FAM228B: variants seen among roughly 807,000 people sequenced by gnomAD.
FAM228B encodes the protein protein FAM228B.
In FAM228B, 38 loss-of-function variants were observed where a neutral mutation model predicts 42.6. The ratio of observed to expected loss-of-function variants is 0.89; its 90% CI spans 0.69 to 1.17. The LOEUF is 1.17. Among genes scored for constraint, FAM228B ranks in the 50% most tolerant of loss-of-function variants. The probability of loss-of-function intolerance (pLI) is 0.00; values close to 1 mark genes in which losing one functional copy is unlikely to be tolerated. For missense variants in FAM228B, 344 were observed against 367.3 expected (o/e 0.94, Z 0.52); for synonymous variants, 109 against 122.3 (o/e 0.89, Z 0.72).
intron 1 of FAM228B, among the ~76,000 whole-genome samples, chr2:24,078,184 C>A (rs953456977): frequency 6.6e-6 from 1 of 152,088 alleles, no homozygotes; most frequent in African/African-American, 2.4e-5. Flanking sequence ...TAGTTTTACA[C>A]CCCCCACCCC....
At chr2:24,156,411 T>A (rs6719511) in intron 7 of FAM228B, among the ~76,000 whole-genome samples, 71 of 152,270 alleles carry the variant, frequency 4.7e-4, no homozygotes, top group African/African-American at 1.6e-3. Flanking sequence ...AGCAGGTAGA[T>A]CACCGGAGGT....
At chr2:24,086,457 G>A (rs938165501) in intron 2 of FAM228B, among the ~76,000 whole-genome samples, 2 of 151,868 alleles carry the variant, frequency 1.3e-5, no homozygotes, top group African/African-American at 2.4e-5. Context: ...ACTCACAATT[G>A]GTTAAAAAAA....
At chr2:24,087,442 A>G (rs554284938) in intron 2 of FAM228B, 357 of 152,238 alleles carry the variant, frequency 2.3e-3, no homozygotes, top group African/African-American at 8.4e-3. Flanking sequence ...GGAATTTCGT[A>G]TGTGATAGAA....
upstream of FAM228B, among the ~76,000 whole-genome samples, chr2:24,118,590 GT>G (rs1262292520): frequency 2.0e-5 from 3 of 152,166 alleles, no homozygotes; most frequent in Non-Finnish European, 4.4e-5. Flanking sequence ...AATCATAAAG[GT>G]ATGCATAAAA....
At position 24,077,853 on chromosome 2, in the gene FAM228B, A is replaced by C; in HGVS notation, c.-290+884A>C. The C allele has an allele frequency of 1.4e-6, 2 of 1,426,958 alleles. No homozygotes were observed. The highest frequency in any genetic ancestry group is 1.9e-6 in the Non-Finnish European group (2 of 1,052,206). 88.4% of individuals were successfully genotyped at this position (1,426,958 alleles called of 1,614,324 possible). A position where few individuals can be genotyped will look rare whatever the true frequency, so the allele number is the denominator to read the frequency against. ...CAGCCTTCTTGCTCTCTCTGAAGCC[A>C]CGTATCTGAAAAAGCACACAGGGAC... On this transcript the variant is annotated intron_variant, in intron 1 of 10. Transcript: ENST00000613899. The surrounding 1 kb of genome is among the most constrained non-coding windows in gnomAD (Gnocchi z 5.5).
intron 7 of FAM228B, among the ~76,000 whole-genome samples, chr2:24,148,564 T>G (rs559656277): frequency 6.6e-6 from 1 of 151,486 alleles, no homozygotes; most frequent in Admixed American, 6.6e-5. Flanking sequence ...TCTTGATACC[T>G]TTTTTTTTAA....
At position 24,080,974 on chromosome 2, in the gene FAM228B, GT is replaced by G; in HGVS notation, c.-210+20del. Reference sequence around the variant, plus strand: ...CATCCGGGTGAGTTGGATAGCAGCTGTGCCCACACCACTCAGTCCTGCATGG... The same window carrying G: ...CATCCGGGTGAGTTGGATAGCAGCTGGCCCACACCACTCAGTCCTGCATGG... On this transcript the variant is annotated intron_variant, in intron 2 of 10. Coordinates refer to the FAM228B transcript ENST00000613899. The surrounding 1 kb of genome is among the most constrained non-coding windows in gnomAD (Gnocchi z 4.7). The G allele has an allele frequency of 6.2e-7, 1 of 1,614,184 alleles. No homozygotes were observed. Among genetic ancestry groups the G allele is most frequent in the African/African-American group, 1.3e-5 (1 of 75,042 alleles).
intron 7 of FAM228B, 51 bp downstream of exon 7, chr2:24,147,137 C>A (rs1163155641): frequency 2.4e-6 from 3 of 1,254,410 alleles, no homozygotes; most frequent in African/African-American, 3.0e-5. Context: ...TTTGAAAATT[C>A]TTCAGACTGA....
chr2:24,101,905 A>G (rs1033379685), intron 3 of FAM228B, among the ~76,000 whole-genome samples: 2 of 151,870 alleles, frequency 1.3e-5, no homozygotes, highest in Non-Finnish European at 2.9e-5. Context: ...GATGGTCTCT[A>G]TTTCTTGACT....
At chr2:24,131,866 G>T (rs1424507097) in intron 2 of FAM228B, among the ~76,000 whole-genome samples, 1 of 152,160 alleles carries the variant, frequency 6.6e-6, no homozygotes, top group East Asian at 1.9e-4. Context: ...CCAGTAATAT[G>T]TTGAATAGGA....
chr2:24,132,444 A>G (rs182678687), intron 2 of FAM228B, among the ~76,000 whole-genome samples: 1 of 140,978 alleles, frequency 7.1e-6, no homozygotes, highest in African/African-American at 2.6e-5. Context: ...CCAGCCATGA[A>G]TCCCTCTGGT....
chr2:24,080,873 C>T lies in FAM228B; in HGVS notation c.-289-3C>T. On this transcript the variant is annotated splice_polypyrimidine_tract_variant and splice_region_variant and intron_variant, in intron 1 of 10. Coordinates refer to the FAM228B transcript ENST00000613899. The surrounding 1 kb of genome is among the most constrained non-coding windows in gnomAD (Gnocchi z 4.7). ...AAATCCTCTTTTTTGTAATTGAATCCAGCAGCTGCTCCAAGCTTTTCTGCC... is the reference window on the plus strand; with the variant it reads ...AAATCCTCTTTTTTGTAATTGAATCTAGCAGCTGCTCCAAGCTTTTCTGCC... 6.2e-7 allele frequency: 1 copy of T among 1,614,116 alleles called. No individual in the cohort carries two copies. Among genetic ancestry groups the T allele is most frequent in the African/African-American group, 1.3e-5 (1 of 75,012 alleles).
At chr2:24,093,853 G>A (rs13408129) in intron 2 of FAM228B, among the ~76,000 whole-genome samples, 18,081 of 151,796 alleles carry the variant, frequency 0.12, 1,259 homozygotes, top group South Asian at 0.18. Context: ...TCCTGACCTT[G>A]TGATCTGCCC....
rs367734879 is a variant in FAM228B at position 24,084,192 on chromosome 2, C to T, written c.-210+3237C>T. The T allele has an allele frequency of 5.7e-5, 92 of 1,611,900 alleles. 2 individuals carry two copies. The South Asian group carries it at 9.7e-4, about 17-fold the overall frequency. On this transcript the variant is annotated intron_variant, in intron 2 of 10. Transcript: ENST00000613899. This position sits in a 1 kb window ranked among gnomAD's most constrained non-coding sequence, Gnocchi z 8.4. ...GGCGCGGCTGAGCCCTGGGTACCTG[C>T]ATTAAGTCCGCCCGGTTCAGGGCGC... is the stretch of plus-strand genomic sequence containing the variant.
At chr2:24,155,545 T>A (rs1573781477) in intron 7 of FAM228B, among the ~76,000 whole-genome samples, 1 of 124,070 alleles carries the variant, frequency 8.1e-6, no homozygotes, top group African/African-American at 3.1e-5. Context: ...TTTTTTTTTT[T>A]TTTTTTTTTT....
At chr2:24,081,400 C>A (rs1034539548) in intron 2 of FAM228B, among the ~76,000 whole-genome samples, 2 of 151,882 alleles carry the variant, frequency 1.3e-5, no homozygotes, top group African/African-American at 4.9e-5. Context: ...AGAACAACTA[C>A]CATTCCCATG....
upstream of FAM228B, among the ~76,000 whole-genome samples, chr2:24,119,155 GC>G (rs1467238859): frequency 6.6e-6 from 1 of 151,906 alleles, no homozygotes; most frequent in East Asian, 1.9e-4. Flanking sequence ...CCACATCTCT[GC>G]CTTTTTACCC....
At chr2:24,079,349 C>T (rs147706045) in intron 1 of FAM228B, 17 of 1,373,430 alleles carry the variant, frequency 1.2e-5, no homozygotes, top group Middle Eastern at 1.9e-4. Flanking sequence ...AACTAACCTC[C>T]GTAATCTAAG....
At chr2:24,149,728 C>T (rs557000781) in intron 7 of FAM228B, among the ~76,000 whole-genome samples, 11 of 152,144 alleles carry the variant, frequency 7.2e-5, no homozygotes, top group African/African-American at 1.2e-4. Context: ...CCACTGCGCC[C>T]GGCTTGTTGG....
Sources: gnomAD v4.1 joint callset for allele counts (sites outside exome capture counted in the v4.1 genomes callset) on GRCh38, gnomAD v4.1.1 for gene constraint, Gnocchi (gnomAD v3.1) non-coding constraint, MANE v1.5 for transcripts, NCBI Gene and HGNC (gene_info 2026-07-23, HGNC 2026-07-21) for gene names.